ELOVL4: variants seen among roughly 807,000 people sequenced by gnomAD.
The protein encoded by ELOVL4 is very long chain fatty acid elongase 4.
A neutral mutation model predicts 42.1 loss-of-function variants in ELOVL4; 18 were observed. The ratio of observed to expected loss-of-function variants is 0.43; its 90% CI spans 0.30 to 0.63. ELOVL4 has a LOEUF of 0.63. ELOVL4 is among the 30% of genes least tolerant of loss of function. ELOVL4 has a pLI of 0.15. For synonymous variants in ELOVL4, 117 were observed against 127.0 expected (o/e 0.92, Z 0.53); for missense variants, 299 against 376.2 (o/e 0.79, Z 1.70).
intron 3 of ELOVL4, among the ~76,000 whole-genome samples, chr6:79,923,475 G>C (rs343621): frequency 0.062 from 9,414 of 152,170 alleles, 925 homozygotes; most frequent in African/African-American, 0.22. Flanking sequence ...ACTCCCAGAA[G>C]TCAGTCAGTC....
intron 1 of ELOVL4, among the ~76,000 whole-genome samples, chr6:79,929,976 T>A (rs1038910627): frequency 6.6e-6 from 1 of 152,230 alleles, no homozygotes; most frequent in African/African-American, 2.4e-5. Context: ...CTATTCTCTA[T>A]CCTTTCTGCC....
At chr6:79,922,543 A>C (rs527609120) in intron 3 of ELOVL4, among the ~76,000 whole-genome samples, 4 of 152,336 alleles carry the variant, frequency 2.6e-5, no homozygotes, top group African/African-American at 9.6e-5. Context: ...AAAATGTTTT[A>C]CAAGAATCCT....
intron 1 of ELOVL4, among the ~76,000 whole-genome samples, chr6:79,941,275 G>C (rs982323515): frequency 6.6e-6 from 1 of 152,148 alleles, no homozygotes; most frequent in Admixed American, 6.5e-5. Flanking sequence ...AAAGGAACTT[G>C]TCCAAACTCT....
intron 4 of ELOVL4, 33 bp from the exon 5 acceptor site, chr6:79,919,580 A>G (rs1237932530): frequency 6.2e-7 from 1 of 1,609,082 alleles, no homozygotes; most frequent in Non-Finnish European, 8.5e-7. Flanking sequence ...TACAAGATAC[A>G]GAAAATTTTA....
At chr6:79,936,802 C>G (rs1303073472) in intron 1 of ELOVL4, among the ~76,000 whole-genome samples, 2 of 152,148 alleles carry the variant, frequency 1.3e-5, no homozygotes, top group Non-Finnish European at 2.9e-5. Context: ...TCAAATACAA[C>G]TGGACAAATG....
chr6:79,924,902 A>G, intron 3 of ELOVL4, 50 bp downstream of exon 3: 1 of 1,172,906 alleles, frequency 8.5e-7, no homozygotes, highest in Non-Finnish European at 1.3e-6. Flanking sequence ...ACTGGGGCCT[A>G]TAAAAATCAA....
intron 1 of ELOVL4, 125 bp downstream of exon 1, chr6:79,947,055 G>A: frequency 1.3e-6 from 1 of 793,410 alleles, no homozygotes; most frequent in Non-Finnish European, 2.1e-6. Flanking sequence ...CCCCTCCGCT[G>A]ATCCGCAGCA....
At position 79,947,359 on chromosome 6, in the gene ELOVL4, A is replaced by C; in HGVS notation, c.-80T>G. The C allele has an allele frequency of 3.5e-6, 4 of 1,151,952 alleles. No individual in the cohort carries two copies. The highest frequency in any genetic ancestry group is 5.1e-6 in the Non-Finnish European group (4 of 789,580). The allele number at this position is 1,151,952 out of a possible 1,614,324, so 71.4% of individuals were successfully genotyped here. A position where few individuals can be genotyped will look rare whatever the true frequency, so the allele number is the denominator to read the frequency against. ...CTGACCCCGGAGGCGGTGGCGGCCG[A>C]CGGGGCGAGCGGCGGCCGGGAACCC... On this transcript the variant is annotated 5_prime_UTR_variant, in exon 1 of 6. Transcript: ENST00000369816.
chr6:79,938,733 T>C (rs868752813), intron 1 of ELOVL4, among the ~76,000 whole-genome samples: 11 of 152,370 alleles, frequency 7.2e-5, no homozygotes, highest in African/African-American at 2.4e-4. Flanking sequence ...TATTTAGATG[T>C]CTTTCTTTAG....
chr6:79,947,043 G>T, intron 1 of ELOVL4, 137 bp downstream of exon 1: 1 of 718,038 alleles, frequency 1.4e-6, no homozygotes. Context: ...TGCCCGCGCC[G>T]GCCCCTCCGC....
intron 2 of ELOVL4, 76 bp from the exon 3 acceptor site, chr6:79,925,108 T>C (rs1265606409): frequency 3.1e-6 from 3 of 976,476 alleles, no homozygotes; most frequent in African/African-American, 3.2e-5. Context: ...ATACAAAATG[T>C]AGCCTTTCAA....
Position 79,933,586 on chromosome 6 carries a change from G to A in ELOVL4, c.101-7205C>T, listed in dbSNP as rs75730826. On this transcript the variant is annotated intron_variant, in intron 1 of 5. Coordinates refer to ENST00000369816, the MANE Select transcript of ELOVL4 (RefSeq NM_022726.4). ...GCAGTGGGGTGTGGACTGAGGGGAA[G>A]GGGATATGTCAAGAGGCAGGAAAAC... Among the ~76,000 whole-genome samples, 717 of 152,236 alleles carry A rather than the reference G, an allele frequency of 4.7e-3. 9 individuals carry two copies. Among genetic ancestry groups the A allele is most frequent in the African/African-American group, 0.016 (682 of 41,532 alleles).
rs35227202 is a variant in ELOVL4, at chr6:79,917,131, AT to A, written c.670-249del. ...TCCCATTAACCAAAGAGCTTTCTGC[AT>A]TTTTTTTAAGGAGAATTATACCTAT... On this transcript the variant is annotated intron_variant, in intron 5 of 5. Transcript: ENST00000369816. Among the ~76,000 whole-genome samples the A allele has an allele frequency of 0.26, 39,543 of 151,622 alleles. 7,206 individuals carry two copies. Among genetic ancestry groups the A allele is most frequent in the African/African-American group, 0.52 (21,541 of 41,310 alleles).
intron 2 of ELOVL4, among the ~76,000 whole-genome samples, chr6:79,925,783 A>G (rs991271441): frequency 7.9e-5 from 12 of 152,302 alleles, no homozygotes; most frequent in Middle Eastern, 3.4e-3. Context: ...CAAACCAGAA[A>G]CTACTGAATA....
chr6:79,947,222 T>C lies in ELOVL4; in HGVS notation c.58A>G (p.Asn20Asp). Residue 20 changes from asparagine to aspartate, a missense_variant, in exon 1 of 6, where the codon AAC (asparagine) becomes GAC (aspartate). By Grantham distance (23) the Asn-to-Asp change is conservative. Transcript: ENST00000369816. ...SVLNVVSTALNDTVEFYRWTW... is the reference protein window; with the variant it reads ...SVLNVVSTALDDTVEFYRWTW... The stretch of plus-strand genomic sequence containing the variant: ...CAGCGGTAGAACTCTACCGTGTCGT[T>C]GAGTGCCGTGGACACTACGTTTAGG... 6.2e-7 allele frequency: 1 copy of C among 1,613,196 alleles called. No individual in the cohort carries two copies. The highest frequency in any genetic ancestry group is 8.5e-7 in the Non-Finnish European group (1 of 1,179,546).
chr6:79,927,564 C>T (rs1167673413), intron 1 of ELOVL4, among the ~76,000 whole-genome samples: 2 of 152,108 alleles, frequency 1.3e-5, no homozygotes, highest in African/African-American at 2.4e-5. Flanking sequence ...TGTCTATATA[C>T]TGTCAATAGA....
At chr6:79,928,397 T>C (rs944597791) in intron 1 of ELOVL4, among the ~76,000 whole-genome samples, 1 of 152,098 alleles carries the variant, frequency 6.6e-6, no homozygotes, top group African/African-American at 2.4e-5. Context: ...GAATTCCTAC[T>C]GACTTCAAAG....
chr6:79,926,164 A>G, intron 2 of ELOVL4, 30 bp downstream of exon 2: 1 of 1,589,366 alleles, frequency 6.3e-7, no homozygotes, highest in Non-Finnish European at 8.6e-7. Context: ...ATAACCTTGG[A>G]AAATTATTAA....
rs117112355 is a variant in ELOVL4, at chr6:79,918,316, T to G, written c.669+1104A>C. On this transcript the variant is annotated intron_variant, in intron 5 of 5. Coordinates refer to ENST00000369816, the MANE Select transcript of ELOVL4 (RefSeq NM_022726.4). ...GCTGCATCACCAAAAAGGGTGTGTA[T>G]AAGGGTGTGATTGGGTATGGCATCA... 6.6e-3 allele frequency among the ~76,000 whole-genome samples: 999 copies of G among 152,268 alleles called. 3 individuals are homozygous for G. Among genetic ancestry groups the G allele is most frequent in the Middle Eastern group, 0.014 (4 of 294 alleles).
Sources: allele counts gnomAD v4.1 joint callset (sites outside exome capture counted in the v4.1 genomes callset), GRCh38; gene constraint gnomAD v4.1.1; transcripts MANE v1.5; gene names NCBI Gene and HGNC (gene_info 2026-07-23, HGNC 2026-07-21).